The following KIAA1958 variants were observed in gnomAD, a reference collection of about 807,000 sequenced individuals.
The protein encoded by KIAA1958 is KIAA1958.
Under a neutral mutation model 47.2 loss-of-function variants are expected in KIAA1958, and 14 were observed. The observed-to-expected ratio is 0.30, with a 90% confidence interval of 0.20 to 0.46. The LOEUF (loss-of-function observed/expected upper bound fraction) is 0.46, where lower values mean the gene tolerates loss of function less well. Ranked by LOEUF, KIAA1958 falls within the 20% of genes least tolerant of loss-of-function variation. The pLI is 1.00. For missense variants in KIAA1958, 803 were observed against 909.2 expected, an observed-to-expected ratio of 0.88 and a Z score of 1.50; for synonymous variants, 354 against 353.3, an observed-to-expected ratio of 1.00 and a Z score of -0.02.
intron 1 of KIAA1958, among the ~76,000 whole-genome samples, chr9:112,501,126 AAAAC>A (rs993745472): frequency 2.6e-5 from 4 of 152,122 alleles, no homozygotes; most frequent in East Asian, 1.9e-4. Flanking sequence ...CCTTGTCTCC[AAAAC>A]AAACAAACTC....
intron 2 of KIAA1958, among the ~76,000 whole-genome samples, chr9:112,583,074 AT>A (rs1835761566): frequency 6.6e-6 from 1 of 152,204 alleles, no homozygotes; most frequent in South Asian, 2.1e-4. Context: ...CTACATTGTC[AT>A]TTCATCTGGC....
chr9:112,627,821 G>A (rs1462431438), intron 2 of KIAA1958, among the ~76,000 whole-genome samples: 2 of 152,170 alleles, frequency 1.3e-5, no homozygotes, highest in African/African-American at 4.8e-5. Context: ...AAACCTCACA[G>A]TTCCCACTTG....
chr9:112,489,851 T>C (rs1833932688), intron 1 of KIAA1958, among the ~76,000 whole-genome samples: 1 of 152,270 alleles, frequency 6.6e-6, no homozygotes, highest in Non-Finnish European at 1.5e-5. Context: ...ATCAATGTAG[T>C]ATCATTACAA....
chr9:112,487,474 T>C (rs1228223574), intron 1 of KIAA1958, among the ~76,000 whole-genome samples: 2 of 151,956 alleles, frequency 1.3e-5, no homozygotes, highest in African/African-American at 4.8e-5. Context: ...GCTCCTGCTC[T>C]TGGGTCTGTC....
At chr9:112,614,040 AT>A (rs1222086908) in intron 2 of KIAA1958, among the ~76,000 whole-genome samples, 2 of 152,224 alleles carry the variant, frequency 1.3e-5, no homozygotes, top group African/African-American at 4.8e-5. Flanking sequence ...GGAAAAATAA[AT>A]TATAATATAT....
chr9:112,598,056 A>G (rs538137553), intron 2 of KIAA1958, among the ~76,000 whole-genome samples: 1 of 152,320 alleles, frequency 6.6e-6, no homozygotes, highest in African/African-American at 2.4e-5. Context: ...ATTGTTAGAC[A>G]TGCTGTGGTA....
intron 3 of KIAA1958, 54 bp downstream of exon 3, chr9:112,645,876 G>A: frequency 6.6e-7 from 1 of 1,523,844 alleles, no homozygotes; most frequent in East Asian, 2.3e-5. Flanking sequence ...GCTTCCAAAT[G>A]CCAGGCACTG....
At chr9:112,510,276 T>C (rs562344386) in intron 1 of KIAA1958, among the ~76,000 whole-genome samples, 60 of 152,308 alleles carry the variant, frequency 3.9e-4, no homozygotes, top group African/African-American at 1.2e-3. Flanking sequence ...GAAGATTAAG[T>C]GAATCAGATG....
intron 2 of KIAA1958, among the ~76,000 whole-genome samples, chr9:112,584,842 G>A (rs1040771711): frequency 2.0e-5 from 3 of 152,156 alleles, no homozygotes; most frequent in African/African-American, 7.2e-5. Context: ...CTTGTGAACC[G>A]AGAGGGACAG....
chr9:112,649,699 A>G (rs1417218418), intron 3 of KIAA1958, among the ~76,000 whole-genome samples: 1 of 152,232 alleles, frequency 6.6e-6, no homozygotes, highest in Non-Finnish European at 1.5e-5. Flanking sequence ...TTAAAAGGCA[A>G]GGGGCAATTT....
At chr9:112,545,235 G>A (rs6477946) in intron 1 of KIAA1958, among the ~76,000 whole-genome samples, 145,361 of 152,278 alleles carry the variant, frequency 0.95, 69,449 homozygotes, top group African/African-American at 0.99. Context: ...TCACAGAAAC[G>A]GTTGTTACCT....
Position 112,574,464 on chromosome 9 carries a change from C to T in KIAA1958, c.384C>T (p.Pro128=). 1 of 1,614,148 alleles carries T rather than the reference C, an allele frequency of 6.2e-7. No homozygotes were observed. Among genetic ancestry groups the T allele is most frequent in the Non-Finnish European group, 8.5e-7 (1 of 1,180,022 alleles). The change falls in exon 2 of 4, where the codon CCC becomes CCT. Residue 128 remains proline, a synonymous_variant. Transcript: ENST00000337530. ...DSCDFSYCSE[P]SELDETVEEY... ...GTGACTTCTCCTACTGTAGTGAGCCCTCTGAACTGGATGAAACTGTTGAAG... is the reference window on the plus strand; with the variant it reads ...GTGACTTCTCCTACTGTAGTGAGCCTTCTGAACTGGATGAAACTGTTGAAG...
chr9:112,584,033 G>A (rs183560747), intron 2 of KIAA1958, among the ~76,000 whole-genome samples: 10 of 151,938 alleles, frequency 6.6e-5, no homozygotes, highest in Non-Finnish European at 1.0e-4. Flanking sequence ...GCCACTGCAC[G>A]CCAGCCTGAA....
At chr9:112,580,158 T>C (rs775987160) in intron 2 of KIAA1958, among the ~76,000 whole-genome samples, 2 of 152,132 alleles carry the variant, frequency 1.3e-5, no homozygotes, top group African/African-American at 2.4e-5. Flanking sequence ...ACAAACTACA[T>C]AGCTGAGTGT....
At chr9:112,521,873 C>T (rs549676258) in intron 1 of KIAA1958, among the ~76,000 whole-genome samples, 2 of 152,084 alleles carry the variant, frequency 1.3e-5, no homozygotes, top group African/African-American at 4.8e-5. Flanking sequence ...TTACTGTGTG[C>T]CCTTATATGC....
chr9:112,511,705 T>C (rs2132780466), intron 1 of KIAA1958, among the ~76,000 whole-genome samples: 1 of 152,018 alleles, frequency 6.6e-6, no homozygotes, highest in East Asian at 1.9e-4. Context: ...TGAAATAGAA[T>C]AGAAAATAAA....
chr9:112,590,656 A>G (rs1224424044), intron 2 of KIAA1958, among the ~76,000 whole-genome samples: 2 of 152,062 alleles, frequency 1.3e-5, no homozygotes, highest in Non-Finnish European at 2.9e-5. Flanking sequence ...GGGCCCAGAC[A>G]CCATTCTTTA....
At chr9:112,639,947 A>G (rs1048467948) in intron 2 of KIAA1958, among the ~76,000 whole-genome samples, 1 of 152,252 alleles carries the variant, frequency 6.6e-6, no homozygotes, top group Non-Finnish European at 1.5e-5. Context: ...CCAATGCTCT[A>G]GTAAAATTCT....
chr9:112,546,567 T>C (rs1040548642), intron 1 of KIAA1958, among the ~76,000 whole-genome samples: 8 of 152,140 alleles, frequency 5.3e-5, no homozygotes, highest in African/African-American at 1.7e-4. Context: ...CACTTTACTC[T>C]GTCTGCTGGC....
Sources: gnomAD v4.1 joint callset for allele counts (sites outside exome capture counted in the v4.1 genomes callset) on GRCh38, gnomAD v4.1.1 for gene constraint, MANE v1.5 for transcripts, NCBI Gene and HGNC (gene_info 2026-07-23, HGNC 2026-07-21) for gene names.